XKR6: variants seen among roughly 807,000 people sequenced by gnomAD.
XKR6 encodes XK related 6.
In XKR6, 22 loss-of-function variants were observed where a neutral mutation model predicts 56.7. The ratio of observed to expected loss-of-function variants is 0.39; its 90% CI spans 0.28 to 0.55. The LOEUF is 0.55. Ranked by LOEUF, XKR6 falls within the 20% of genes least tolerant of loss-of-function variation. The pLI is 0.66. For synonymous variants in XKR6, 524 were observed against 387.8 expected (o/e 1.35, Z -4.13); for missense variants, 852 against 889.0 (o/e 0.96, Z 0.53).
At chr8:11,001,368 G>T (rs1235416827) in intron 1 of XKR6, among the ~76,000 whole-genome samples, 1 of 152,160 alleles carries the variant, frequency 6.6e-6, no homozygotes, top group East Asian at 1.9e-4. Context: ...TGAAGAAATG[G>T]CCTCTTTATA....
intron 1 of XKR6, among the ~76,000 whole-genome samples, chr8:10,929,937 C>T (rs1378040893): frequency 6.6e-6 from 1 of 152,184 alleles, no homozygotes; most frequent in African/African-American, 2.4e-5. Context: ...CTGTTCCCTC[C>T]AGCAGAAGTA....
intron 1 of XKR6, among the ~76,000 whole-genome samples, chr8:11,143,779 C>T (rs1411338093): frequency 2.0e-5 from 3 of 152,084 alleles, no homozygotes; most frequent in Non-Finnish European, 1.5e-5. Flanking sequence ...TACAATAATC[C>T]GCTAAGCTAC....
At chr8:10,934,763 T>G (rs1289686829) in intron 1 of XKR6, among the ~76,000 whole-genome samples, 1 of 147,816 alleles carries the variant, frequency 6.8e-6, no homozygotes, top group Non-Finnish European at 1.5e-5. Context: ...TTGATCATGG[T>G]GGATAAGCTT....
At chr8:10,938,368 G>A (rs956532810) in intron 1 of XKR6, among the ~76,000 whole-genome samples, 2 of 152,182 alleles carry the variant, frequency 1.3e-5, no homozygotes, top group African/African-American at 4.8e-5. Context: ...CTTCTGCATC[G>A]CTCACGCTGG....
At chr8:11,003,756 A>G (rs1471485647) in intron 1 of XKR6, among the ~76,000 whole-genome samples, 2 of 152,214 alleles carry the variant, frequency 1.3e-5, no homozygotes, top group East Asian at 3.8e-4. Context: ...AGCTGTCTCC[A>G]TCAACAAATA....
chr8:11,181,159 T>C (rs537951747), intron 1 of XKR6, among the ~76,000 whole-genome samples: 1 of 152,314 alleles, frequency 6.6e-6, no homozygotes, highest in African/African-American at 2.4e-5. Flanking sequence ...TTAATGTCCA[T>C]CTTTGGTGAG....
intron 1 of XKR6, among the ~76,000 whole-genome samples, chr8:11,107,350 C>G (rs556648360): frequency 6.6e-6 from 1 of 152,096 alleles, no homozygotes; most frequent in African/African-American, 2.4e-5. Flanking sequence ...CAAGTGCACA[C>G]CACCATGCCC....
At chr8:11,017,342 A>C (rs777432520) in intron 1 of XKR6, among the ~76,000 whole-genome samples, 1 of 152,240 alleles carries the variant, frequency 6.6e-6, no homozygotes, top group Non-Finnish European at 1.5e-5. Context: ...CAACCTCCTC[A>C]ATAGACACGA....
At chr8:10,920,321 T>C (rs758023922) in intron 2 of XKR6, among the ~76,000 whole-genome samples, 10 of 152,054 alleles carry the variant, frequency 6.6e-5, no homozygotes, top group African/African-American at 2.2e-4. Context: ...CACTTCACAT[T>C]TGTCATGATG....
chr8:10,900,073 A>C (rs917704838), intron 2 of XKR6, among the ~76,000 whole-genome samples: 1 of 151,932 alleles, frequency 6.6e-6, no homozygotes, highest in African/African-American at 2.4e-5. Context: ...TTTTCTCCCA[A>C]AATTTCACAA....
At position 10,898,729 on chromosome 8, in the gene XKR6, C is replaced by T. The variant is rs1440577669; in HGVS notation, c.1149G>A (p.Gln383=). ...CCACCACGAAGATCCCAAAATAGAG[C>T]TGGAAGATGGAAGCAAAGAGGGCAA... The part of the protein sequence containing the change: ...ISFALFASIF[Q]LYFGIFVVVH... Residue 383 remains glutamine (Q), a synonymous_variant, in exon 3 of 3, where the codon CAG becomes CAA. Coordinates refer to ENST00000416569, the MANE Select transcript of XKR6 (RefSeq NM_173683.4). The surrounding 1 kb of genome is among the most constrained non-coding windows in gnomAD (Gnocchi z 6.6). 6.2e-7 allele frequency: 1 copy of T among 1,614,038 alleles called. No individual in the cohort carries two copies. Among genetic ancestry groups the T allele is most frequent in the Admixed American group, 1.7e-5 (1 of 60,016 alleles).
intron 1 of XKR6, among the ~76,000 whole-genome samples, chr8:11,148,708 C>A (rs1801117602): frequency 6.6e-6 from 1 of 152,166 alleles, no homozygotes; most frequent in Non-Finnish European, 1.5e-5. Context: ...AACATGTCCA[C>A]ACAAAGACTT....
At chr8:11,130,992 T>C (rs1800076647) in intron 1 of XKR6, among the ~76,000 whole-genome samples, 1 of 152,082 alleles carries the variant, frequency 6.6e-6, no homozygotes, top group South Asian at 2.1e-4. Flanking sequence ...TCACATACAA[T>C]ATAAGCACAT....
At chr8:11,186,574 C>G (rs891761181) in intron 1 of XKR6, among the ~76,000 whole-genome samples, 4 of 152,164 alleles carry the variant, frequency 2.6e-5, no homozygotes, top group Non-Finnish European at 5.9e-5. Context: ...GAGACAGGGT[C>G]TGCCTACATT....
intron 1 of XKR6, among the ~76,000 whole-genome samples, chr8:11,164,780 G>A (rs1207675066): frequency 6.6e-6 from 1 of 152,026 alleles, no homozygotes; most frequent in Non-Finnish European, 1.5e-5. Flanking sequence ...ATATCCATTT[G>A]TCACATGTAA....
At position 11,142,121 on chromosome 8, in the gene XKR6, A is replaced by T. The variant is rs576183863; in HGVS notation, c.764+58455T>A. ...AACTCAAGATGTTTTATTTTTATACACACACATACATTTCAGCCCTCTCTA... is the reference window on the plus strand; with the variant it reads ...AACTCAAGATGTTTTATTTTTATACTCACACATACATTTCAGCCCTCTCTA... On this transcript the variant is annotated intron_variant, in intron 1 of 2. Coordinates refer to ENST00000416569, the MANE Select transcript of XKR6 (RefSeq NM_173683.4). 3.3e-5 allele frequency among the ~76,000 whole-genome samples: 5 copies of T among 152,270 alleles called. No homozygotes were observed. In the East Asian group the frequency reaches 7.7e-4, roughly 23 times the overall value.
chr8:11,145,410 A>T (rs1386907012), intron 1 of XKR6, among the ~76,000 whole-genome samples: 1 of 152,188 alleles, frequency 6.6e-6, no homozygotes, highest in Non-Finnish European at 1.5e-5. Flanking sequence ...AGATGAAGAC[A>T]TCCACATCAA....
At chr8:11,064,040 C>T (rs1169957638) in intron 1 of XKR6, among the ~76,000 whole-genome samples, 1 of 152,206 alleles carries the variant, frequency 6.6e-6, no homozygotes, top group Non-Finnish European at 1.5e-5. Flanking sequence ...TATCAACATC[C>T]ATCAGTCCTT....
chr8:11,130,191 G>A (rs1800034666), intron 1 of XKR6, among the ~76,000 whole-genome samples: 1 of 152,042 alleles, frequency 6.6e-6, no homozygotes, highest in Admixed American at 6.6e-5. Flanking sequence ...GTGTATGTGT[G>A]TATGTATTTA....
Sources: allele counts gnomAD v4.1 joint callset (sites outside exome capture counted in the v4.1 genomes callset), GRCh38; gene constraint gnomAD v4.1.1; non-coding constraint Gnocchi (gnomAD v3.1); transcripts MANE v1.5; gene names NCBI Gene and HGNC (gene_info 2026-07-23, HGNC 2026-07-21).